Variants in GRM8 observed in about 807,000 individuals in gnomAD.
GRM8 encodes the protein metabotropic glutamate receptor 8.
Under a neutral mutation model 87.2 loss-of-function variants are expected in GRM8, and 47 were observed. The ratio of observed to expected loss-of-function variants is 0.54; its 90% confidence interval spans 0.43 to 0.69. The LOEUF (loss-of-function observed/expected upper bound fraction) is 0.69. Ranked by LOEUF, GRM8 falls within the 30% of genes least tolerant of loss-of-function variation. The pLI is 0.00. For missense variants in GRM8, 1,019 were observed against 1,139.2 expected (o/e 0.89, Z 1.52); for synonymous variants, 396 against 404.5 (o/e 0.98, Z 0.25).
chr7:127,114,442 G>A (rs1240988927), intron 2 of GRM8, among the ~76,000 whole-genome samples: 7 of 152,132 alleles, frequency 4.6e-5, no homozygotes, highest in Admixed American at 4.6e-4. Flanking sequence ...AGGGGCCTGT[G>A]GTTAGTTAAC....
chr7:127,214,515 G>A (rs1483482025), intron 2 of GRM8, among the ~76,000 whole-genome samples: 3 of 152,198 alleles, frequency 2.0e-5, no homozygotes, highest in Non-Finnish European at 4.4e-5. Context: ...AGGTTTAATT[G>A]ACTCACAGTT....
chr7:127,201,289 G>T (rs750751378), intron 2 of GRM8, among the ~76,000 whole-genome samples: 2 of 152,194 alleles, frequency 1.3e-5, no homozygotes, highest in Non-Finnish European at 2.9e-5. Context: ...ACTGTAAGTA[G>T]TATTATTCCC....
At position 126,495,780 on chromosome 7, in the gene GRM8, A is replaced by G. The variant is rs1450791778; in HGVS notation, c.2430+37172T>C. Among the ~76,000 whole-genome samples, 6 of 152,118 alleles carry G rather than the reference A, an allele frequency of 3.9e-5. No individual in the cohort carries two copies. In the East Asian group the frequency reaches 9.7e-4, roughly 25 times the overall value. On this transcript the variant is annotated intron_variant, in intron 9 of 10. Coordinates refer to ENST00000339582, the MANE Select transcript of GRM8 (RefSeq NM_000845.3). Reference sequence around the variant, plus strand: ...CAATTGTTAATGAATCCATTAACTCATATCTTTCTGCTTCTTAAGCACATA... The same window carrying G: ...CAATTGTTAATGAATCCATTAACTCGTATCTTTCTGCTTCTTAAGCACATA...
rs1168349448 is a variant in GRM8, at chr7:127,223,974, C to CA, written c.510+18720dup. ...ATAGCAGAATAAAGAGAACAGAGGC[C>CA]AAAAAAAATCTGTGAACTTACAGAT... On this transcript the variant is annotated intron_variant, in intron 2 of 10. Transcript: ENST00000339582. Among the ~76,000 whole-genome samples the CA allele has an allele frequency of 6.3e-5, 9 of 142,768 alleles. No homozygotes were observed. In the East Asian group the frequency reaches 1.2e-3, roughly 19 times the overall value. The allele number at this position is 142,768 out of a possible 152,430, so 93.7% of individuals were successfully genotyped here.
intron 6 of GRM8, among the ~76,000 whole-genome samples, chr7:126,834,100 C>G (rs1459249764): frequency 6.6e-6 from 1 of 152,116 alleles, no homozygotes; most frequent in East Asian, 1.9e-4. Context: ...CAGGAGGTGC[C>G]AACAGAGGTG....
intron 2 of GRM8, among the ~76,000 whole-genome samples, chr7:127,125,799 C>CACACACACAA (rs1554598092): frequency 6.6e-6 from 1 of 150,564 alleles, no homozygotes; most frequent in African/African-American, 2.4e-5. Flanking sequence ...CACACACACA[C>CACACACACAA]AAATAACTAT....
At chr7:126,579,073 G>A (rs1313397256) in intron 8 of GRM8, among the ~76,000 whole-genome samples, 4 of 152,018 alleles carry the variant, frequency 2.6e-5, no homozygotes, top group Non-Finnish European at 5.9e-5. Flanking sequence ...AGAGGTAAAG[G>A]ATTCTACTCC....
chr7:126,831,696 C>T (rs550922328), intron 6 of GRM8, among the ~76,000 whole-genome samples: 6 of 152,190 alleles, frequency 3.9e-5, no homozygotes, highest in South Asian at 4.1e-4. Context: ...GTGCACAGTG[C>T]GCTGCACCCA....
At chr7:126,936,788 C>T (rs1457545003) in intron 3 of GRM8, among the ~76,000 whole-genome samples, 3 of 152,070 alleles carry the variant, frequency 2.0e-5, no homozygotes, top group African/African-American at 4.8e-5. Context: ...CAGAAGGAAT[C>T]GGGGCTTTCT....
chr7:127,183,082 A>T (rs1794556288), intron 2 of GRM8, among the ~76,000 whole-genome samples: 1 of 151,978 alleles, frequency 6.6e-6, no homozygotes, highest in Non-Finnish European at 1.5e-5. Flanking sequence ...CAAATATGTT[A>T]AAAGTAAAGG....
chr7:126,600,286 C>T (rs759921271), intron 8 of GRM8, among the ~76,000 whole-genome samples: 9 of 152,078 alleles, frequency 5.9e-5, no homozygotes, highest in Non-Finnish European at 1.2e-4. Flanking sequence ...TATGGGTCTA[C>T]TTCTACATTG....
chr7:126,703,582 G>A (rs983457863), intron 7 of GRM8, among the ~76,000 whole-genome samples: 3 of 152,060 alleles, frequency 2.0e-5, no homozygotes, highest in African/African-American at 7.2e-5. Context: ...TTTTTTATAC[G>A]AGGTCTCGTC....
At chr7:126,963,835 C>G (rs1809560367) in intron 3 of GRM8, among the ~76,000 whole-genome samples, 2 of 152,076 alleles carry the variant, frequency 1.3e-5, no homozygotes, top group Middle Eastern at 6.8e-3. Context: ...CATATGGAAC[C>G]AAAAAAGAGC....
intron 9 of GRM8, among the ~76,000 whole-genome samples, chr7:126,528,257 T>G (rs1414283828): frequency 6.6e-6 from 1 of 152,058 alleles, no homozygotes; most frequent in Non-Finnish European, 1.5e-5. Context: ...ACACTTTCAG[T>G]TGGGGGTCTG....
intron 3 of GRM8, among the ~76,000 whole-genome samples, chr7:127,066,897 G>A (rs982589498): frequency 2.6e-5 from 4 of 152,138 alleles, no homozygotes; most frequent in African/African-American, 7.2e-5. Context: ...GGTGCTTAAT[G>A]TTTTGTTCTT....
At chr7:127,015,739 A>G (rs1377346052) in intron 3 of GRM8, among the ~76,000 whole-genome samples, 1 of 151,976 alleles carries the variant, frequency 6.6e-6, no homozygotes, top group Non-Finnish European at 1.5e-5. Context: ...ACTGGTTGTT[A>G]CTCTATGTTT....
chr7:126,779,318 A>G (rs1194142166), intron 6 of GRM8, among the ~76,000 whole-genome samples: 1 of 152,102 alleles, frequency 6.6e-6, no homozygotes, highest in African/African-American at 2.4e-5. Context: ...TTAACATATC[A>G]GATTTTTATA....
At chr7:126,612,734 G>A (rs891563626) in intron 7 of GRM8, among the ~76,000 whole-genome samples, 1 of 152,204 alleles carries the variant, frequency 6.6e-6, no homozygotes, top group African/African-American at 2.4e-5. Flanking sequence ...AGCAAAGACA[G>A]TGTTCAGTAC....
intron 2 of GRM8, among the ~76,000 whole-genome samples, chr7:127,220,956 C>T (rs1796891473): frequency 6.6e-6 from 1 of 152,164 alleles, no homozygotes; most frequent in Admixed American, 6.5e-5. Context: ...TTGGCCCATG[C>T]AGGTATAATT....
Sources: allele counts gnomAD v4.1 joint callset (sites outside exome capture counted in the v4.1 genomes callset), GRCh38; gene constraint gnomAD v4.1.1; transcripts MANE v1.5; gene names NCBI Gene and HGNC (gene_info 2026-07-23, HGNC 2026-07-21).